OCA2: variants seen among roughly 807,000 people sequenced by gnomAD.
OCA2 encodes OCA2 melanosomal transmembrane protein.
OCA2 carries 77 observed loss-of-function variants against 100.2 expected under a neutral mutation model. The ratio of observed to expected loss-of-function variants is 0.77; its 90% confidence interval spans 0.64 to 0.93. The LOEUF is 0.93. Among genes scored for constraint, OCA2 ranks in the 40% least tolerant of loss-of-function variants. The pLI is 0.00. For missense variants in OCA2, 1,062 were observed against 1,089.1 expected, an observed-to-expected ratio of 0.98 and a Z score of 0.35; for synonymous variants, 432 against 439.2, an observed-to-expected ratio of 0.98 and a Z score of 0.21.
chr15:28,068,986 T>C (rs947613733), intron 2 of OCA2, among the ~76,000 whole-genome samples: 5 of 152,150 alleles, frequency 3.3e-5, no homozygotes, highest in South Asian at 2.1e-4. Context: ...GCCAGCATCA[T>C]ACTGAATGGG....
intron 9 of OCA2, among the ~76,000 whole-genome samples, chr15:27,994,628 A>G (rs1320275268): frequency 6.6e-6 from 1 of 152,196 alleles, no homozygotes; most frequent in Non-Finnish European, 1.5e-5. Context: ...AGCTCCTGTG[A>G]GCATGGCGTG....
chr15:27,726,493 G>T, the OCA2 span, among the ~76,000 whole-genome samples: 8 of 152,120 alleles, frequency 5.3e-5, no homozygotes, highest in Middle Eastern at 3.4e-3. Flanking sequence ...GACTCCGGTT[G>T]TACTGTAATG....
At chr15:28,085,527 T>C (rs539266560) in intron 1 of OCA2, among the ~76,000 whole-genome samples, 1 of 152,198 alleles carries the variant, frequency 6.6e-6, no homozygotes, top group East Asian at 1.9e-4. Flanking sequence ...GAGGAATGTC[T>C]CCAAGAGCAA....
intron 19 of OCA2, among the ~76,000 whole-genome samples, chr15:27,888,791 ATG>A (rs2151583898): frequency 1.3e-5 from 2 of 152,300 alleles, no homozygotes; most frequent in African/African-American, 4.8e-5. Context: ...CTATATGTAT[ATG>A]TGTGTGTATT....
At chr15:27,966,967 A>G in intron 14 of OCA2, 145 bp from the exon 15 acceptor site, 1 of 886,790 alleles carries the variant, frequency 1.1e-6, no homozygotes, top group Non-Finnish European at 1.8e-6. Context: ...GTCTCTACTA[A>G]AAAATACAAA....
intron 14 of OCA2, among the ~76,000 whole-genome samples, chr15:27,970,162 C>A (rs1004134366): frequency 5.3e-5 from 8 of 151,898 alleles, no homozygotes; most frequent in Admixed American, 1.3e-4. Context: ...CAGATCCCAG[C>A]AAGCTGAAAA....
At chr15:27,730,057 G>A in the OCA2 span, among the ~76,000 whole-genome samples, 1 of 152,064 alleles carries the variant, frequency 6.6e-6, no homozygotes, top group Non-Finnish European at 1.5e-5. Context: ...ACAGGTTAAG[G>A]ACTCAGTCCC....
intron 23 of OCA2, among the ~76,000 whole-genome samples, chr15:27,821,716 T>C (rs4778187): frequency 0.51 from 77,576 of 151,798 alleles, 20,373 homozygotes; most frequent in South Asian, 0.76. Context: ...ATAATACACA[T>C]GCAGGCACAC....
At chr15:27,746,564 G>A in the OCA2 span, among the ~76,000 whole-genome samples, 1 of 152,160 alleles carries the variant, frequency 6.6e-6, no homozygotes, top group Admixed American at 6.5e-5. Flanking sequence ...AACTGATGGA[G>A]ACTTCCTCTT....
intron 9 of OCA2, among the ~76,000 whole-genome samples, chr15:28,007,349 A>C (rs560257805): frequency 6.6e-6 from 1 of 152,274 alleles, no homozygotes; most frequent in African/African-American, 2.4e-5. Flanking sequence ...GCATTGGGAA[A>C]TCTCCCAGAG....
intron 18 of OCA2, among the ~76,000 whole-genome samples, chr15:27,942,423 T>A (rs1284050645): frequency 6.6e-6 from 1 of 151,920 alleles, no homozygotes. Flanking sequence ...GTTAAATGAT[T>A]CCATTAAATG....
At chr15:27,928,312 G>C (rs1429597857) in intron 18 of OCA2, among the ~76,000 whole-genome samples, 2 of 152,120 alleles carry the variant, frequency 1.3e-5, no homozygotes, top group Non-Finnish European at 2.9e-5. Flanking sequence ...TCTTTCAAAA[G>C]CTCAGTAAGA....
At chr15:27,919,885 G>A (rs943164976) in intron 19 of OCA2, among the ~76,000 whole-genome samples, 1 of 152,136 alleles carries the variant, frequency 6.6e-6, no homozygotes, top group Non-Finnish European at 1.5e-5. Context: ...GGGGGTTGGA[G>A]TATATGGAAA....
At chr15:27,961,758 T>C (rs1297255677) in intron 15 of OCA2, among the ~76,000 whole-genome samples, 1 of 150,456 alleles carries the variant, frequency 6.6e-6, no homozygotes, top group African/African-American at 2.5e-5. Flanking sequence ...TGAGAACACA[T>C]GGACACAGGG....
At chr15:27,840,605 T>G (rs2035306634) in intron 23 of OCA2, among the ~76,000 whole-genome samples, 1 of 152,088 alleles carries the variant, frequency 6.6e-6, no homozygotes, top group Admixed American at 6.6e-5. Flanking sequence ...CAGGAACAGA[T>G]CCACAAAGAT....
At chr15:27,945,502 C>G (rs2039801973) in intron 18 of OCA2, among the ~76,000 whole-genome samples, 1 of 152,180 alleles carries the variant, frequency 6.6e-6, no homozygotes, top group Non-Finnish European at 1.5e-5. Context: ...GGTGGGCGCC[C>G]TCCATCCGGA....
the OCA2 span, among the ~76,000 whole-genome samples, chr15:27,740,919 TA>T: frequency 5.4e-4 from 82 of 152,282 alleles, no homozygotes; most frequent in African/African-American, 1.7e-3. Flanking sequence ...CCATCCCACC[TA>T]ACTCCCCGAG....
At chr15:28,003,780 C>T (rs1212008305) in intron 9 of OCA2, among the ~76,000 whole-genome samples, 1 of 152,210 alleles carries the variant, frequency 6.6e-6, no homozygotes, top group Admixed American at 6.5e-5. Flanking sequence ...CGGTCCCACC[C>T]CTAGCCCAGC....
At position 27,871,900 on chromosome 15, in the gene OCA2, A is replaced by G; in HGVS notation, c.2102T>C (p.Ile701Thr). The G allele has an allele frequency of 6.2e-7, 1 of 1,611,170 alleles. No homozygotes were observed. Among genetic ancestry groups the G allele is most frequent in the Non-Finnish European group, 8.5e-7 (1 of 1,177,904 alleles). The change falls in exon 20 of 24, where the codon ATA (isoleucine) becomes ACA (threonine). Residue 701 changes from isoleucine (I) to threonine (T), a missense_variant. Ile to Thr is a moderately conservative substitution (Grantham distance 89). Transcript: ENST00000354638. ...LMEALAHLHL[I>T]EYVGEQTALL... is the part of the protein sequence containing the mutation. ...AGCAGTTTGTTCTCCAACATATTCTATTAAGTGGAGATGTGCCAATGCCTA... is the reference window on the plus strand; with the variant it reads ...AGCAGTTTGTTCTCCAACATATTCTGTTAAGTGGAGATGTGCCAATGCCTA...
Sources: gnomAD v4.1 joint callset for allele counts (sites outside exome capture counted in the v4.1 genomes callset) on GRCh38, gnomAD v4.1.1 for gene constraint, MANE v1.5 for transcripts, NCBI Gene and HGNC (gene_info 2026-07-23, HGNC 2026-07-21) for gene names.